ADARB2: variants seen among roughly 807,000 people sequenced by gnomAD.
ADARB2 encodes adenosine deaminase RNA specific B2 (inactive).
A neutral mutation model predicts 62.2 loss-of-function variants in ADARB2; 25 were observed. The ratio of observed to expected loss-of-function variants is 0.40; its 90% CI spans 0.29 to 0.56. The LOEUF is 0.56. Among genes scored for constraint, ADARB2 ranks in the 20% least tolerant of loss-of-function variants. ADARB2 has a pLI of 0.43. For synonymous variants in ADARB2, 572 were observed against 500.8 expected, an observed-to-expected ratio of 1.14 and a Z score of -1.90; for missense variants, 1,071 against 1,077.4, an observed-to-expected ratio of 0.99 and a Z score of 0.08.
rs1832459176 is a variant in ADARB2 at position 1,379,078 on chromosome 10, G to A, written c.183C>T (p.Thr61=). 2 of 1,612,830 alleles carry A rather than the reference G, an allele frequency of 1.2e-6. No individual in the cohort carries two copies. Among genetic ancestry groups the A allele is most frequent in the Non-Finnish European group, 8.5e-7 (1 of 1,178,954 alleles). ...CGGGGAAGGGAAGTTGCTTACTGAG[G>A]GTGTCGTCATCCTCCGTGTTTGTGA... is the stretch of plus-strand genomic sequence containing the variant. The part of the protein sequence containing the change: ...PGITNTEDDD[T]LSTSSAEVKE... The change falls in exon 2 of 10, where the codon ACC becomes ACT. Residue 61 remains threonine, a synonymous_variant. Coordinates refer to ENST00000381312, the MANE Select transcript of ADARB2 (RefSeq NM_018702.4).
intron 1 of ADARB2, among the ~76,000 whole-genome samples, chr10:1,623,986 G>A (rs1256032832): frequency 6.6e-6 from 1 of 152,142 alleles, no homozygotes; most frequent in African/African-American, 2.4e-5. Flanking sequence ...ATGATCTAGC[G>A]ATTTGGGAGG....
At chr10:1,633,545 C>CTAT (rs1163361260) in intron 1 of ADARB2, among the ~76,000 whole-genome samples, 14 of 118,622 alleles carry the variant, frequency 1.2e-4, no homozygotes, top group Non-Finnish European at 1.8e-4. Context: ...GTCTGTCTAT[C>CTAT]TATCATCTAT....
chr10:1,636,954 C>T (rs1355050274), intron 1 of ADARB2, among the ~76,000 whole-genome samples: 1 of 150,362 alleles, frequency 6.7e-6, no homozygotes, highest in Non-Finnish European at 1.5e-5. Context: ...AATTTCCAAC[C>T]AACACTTTTG....
At chr10:1,220,288 GTGGTGGTGA>G (rs548319325) in intron 6 of ADARB2, among the ~76,000 whole-genome samples, 6,151 of 135,722 alleles carry the variant, frequency 0.045, 145 homozygotes, top group Middle Eastern at 0.078. Context: ...AATGGTGATG[GTGGTGGTGA>G]TGGTGGTGAT....
intron 1 of ADARB2, among the ~76,000 whole-genome samples, chr10:1,497,269 A>C (rs1342974969): frequency 6.6e-6 from 1 of 152,228 alleles, no homozygotes; most frequent in Non-Finnish European, 1.5e-5. Context: ...GTGTTAACTG[A>C]TGGAGTCTGA....
chr10:1,364,645 CT>C (rs1282212796), intron 2 of ADARB2, among the ~76,000 whole-genome samples: 1 of 152,202 alleles, frequency 6.6e-6, no homozygotes, highest in Non-Finnish European at 1.5e-5. Flanking sequence ...TTATTAGTCC[CT>C]AAACAATACA....
At chr10:1,560,800 A>T (rs1588303205) in intron 1 of ADARB2, among the ~76,000 whole-genome samples, 1 of 152,224 alleles carries the variant, frequency 6.6e-6, no homozygotes, top group Non-Finnish European at 1.5e-5. Context: ...CGAGCCCCAG[A>T]CTGGGCAGCT....
chr10:1,400,441 C>G (rs193206118), intron 1 of ADARB2, among the ~76,000 whole-genome samples: 37 of 152,298 alleles, frequency 2.4e-4, no homozygotes, highest in African/African-American at 8.2e-4. Context: ...AAGCAAGTCA[C>G]GGCAGCACAT....
At chr10:1,532,461 C>T (rs915051918) in intron 1 of ADARB2, among the ~76,000 whole-genome samples, 2 of 152,140 alleles carry the variant, frequency 1.3e-5, no homozygotes, top group African/African-American at 4.8e-5. Context: ...GTTTGTGGAG[C>T]CTCAGTGGCC....
chr10:1,410,759 G>A (rs1337214098), intron 1 of ADARB2, among the ~76,000 whole-genome samples: 1 of 152,080 alleles, frequency 6.6e-6, no homozygotes, highest in East Asian at 1.9e-4. Flanking sequence ...TCACCACGGG[G>A]ATGAGCAGGA....
chr10:1,491,038 A>G (rs1310843966), intron 1 of ADARB2, among the ~76,000 whole-genome samples: 2 of 152,078 alleles, frequency 1.3e-5, no homozygotes, highest in African/African-American at 2.4e-5. Flanking sequence ...AGTCCTCACA[A>G]TTTTATAATT....
Position 1,363,107 on chromosome 10 carries a change from T to C in ADARB2, c.998A>G (p.Gln333Arg). The change falls in exon 3 of 10, where the codon CAG (glutamine) becomes CGG (arginine). Residue 333 changes from glutamine (Q) to arginine (R), a missense_variant. Gln to Arg is a conservative substitution (Grantham distance 43). Transcript: ENST00000381312. The stretch of plus-strand genomic sequence containing the variant: ...GTCGAACAGCTCCTGCAGTGCGGCC[T>C]GCGCGGCCTGACCCCGGGCCAGCTT... ...SKKLARGQAA[Q>R]AALQELFDIQ... 2.0e-6 allele frequency: 3 copies of C among 1,532,294 alleles called. No homozygotes were observed. The highest frequency in any genetic ancestry group is 2.6e-6 in the Non-Finnish European group (3 of 1,148,164). The allele number at this position is 1,532,294 out of a possible 1,614,324, so 94.9% of individuals were successfully genotyped here.
chr10:1,392,820 C>A (rs539451091), intron 1 of ADARB2, among the ~76,000 whole-genome samples: 1 of 152,126 alleles, frequency 6.6e-6, no homozygotes, highest in African/African-American at 2.4e-5. Context: ...AGGTGGCCTG[C>A]GGTGTCAGCC....
chr10:1,369,386 G>T (rs1019974604), intron 2 of ADARB2, among the ~76,000 whole-genome samples: 1 of 152,112 alleles, frequency 6.6e-6, no homozygotes, highest in Admixed American at 6.5e-5. Context: ...CACCCTGGGG[G>T]TGAGGGGACC....
intron 3 of ADARB2, among the ~76,000 whole-genome samples, chr10:1,311,519 C>T (rs17293755): frequency 0.13 from 19,867 of 152,148 alleles, 1,523 homozygotes; most frequent in South Asian, 0.19. Context: ...TCTGAGTACA[C>T]CTGCATCTTC....
intron 1 of ADARB2, among the ~76,000 whole-genome samples, chr10:1,521,010 G>A (rs918258693): frequency 3.9e-5 from 6 of 152,178 alleles, no homozygotes; most frequent in Admixed American, 6.5e-5. Context: ...CAGCCCCACT[G>A]TCATCCTGAA....
chr10:1,717,767 G>A (rs1835040051), intron 1 of ADARB2, among the ~76,000 whole-genome samples: 2 of 151,814 alleles, frequency 1.3e-5, no homozygotes, highest in Admixed American at 1.3e-4. Flanking sequence ...TAGTAGAGAT[G>A]GGGTTTCGTC....
At chr10:1,613,319 T>C (rs1343288988) in intron 1 of ADARB2, among the ~76,000 whole-genome samples, 4 of 152,236 alleles carry the variant, frequency 2.6e-5, no homozygotes, top group Admixed American at 2.6e-4. Flanking sequence ...TGAAAAGATT[T>C]TTTTTAAGCA....
chr10:1,430,874 A>G (rs1380944313), intron 1 of ADARB2, among the ~76,000 whole-genome samples: 2 of 152,240 alleles, frequency 1.3e-5, no homozygotes, highest in Non-Finnish European at 2.9e-5. Context: ...ACTATCCTAA[A>G]TTTAGTGCAT....
Sources: allele counts gnomAD v4.1 joint callset (sites outside exome capture counted in the v4.1 genomes callset), GRCh38; gene constraint gnomAD v4.1.1; transcripts MANE v1.5; gene names NCBI Gene and HGNC (gene_info 2026-07-23, HGNC 2026-07-21).